The following AGRN variants were observed in gnomAD, a reference collection of about 807,000 sequenced individuals.
AGRN encodes the protein agrin proteoglycan.
In AGRN, 106 loss-of-function variants were observed where a neutral mutation model predicts 211.0. That is an observed-to-expected ratio of 0.50 (90% CI 0.43 to 0.59). AGRN has a LOEUF of 0.59. Among genes scored for constraint, AGRN ranks in the 20% least tolerant of loss-of-function variants. AGRN has a pLI of 0.00. For missense variants in AGRN, 3,040 were observed against 2,982.6 expected, an observed-to-expected ratio of 1.02 and a Z score of -0.45; for synonymous variants, 1,525 against 1,332.5, an observed-to-expected ratio of 1.14 and a Z score of -3.15.
intron 30 of AGRN, 154 bp downstream of exon 30, chr1:1,050,991 C>G: frequency 6.4e-7 from 1 of 1,550,538 alleles, no homozygotes; most frequent in Non-Finnish European, 8.7e-7. Flanking sequence ...TCCCTGCTCT[C>G]TGCTCTCGCT....
intron 3 of AGRN, among the ~76,000 whole-genome samples, 191 bp downstream of exon 3, chr1:1,035,515 C>T (rs982089307): frequency 2.0e-5 from 3 of 152,218 alleles, no homozygotes; most frequent in Admixed American, 6.5e-5. Context: ...TAGAGGCCGC[C>T]GCCTGACGGC....
chr1:1,035,309 C>A lies in AGRN; in HGVS notation c.496C>A (p.Pro166Thr), dbSNP rs1644777469. 2 of 1,613,004 alleles carry A rather than the reference C, an allele frequency of 1.2e-6. No individual in the cohort carries two copies. Among genetic ancestry groups the A allele is most frequent in the Non-Finnish European group, 1.7e-6 (2 of 1,179,996 alleles). ...CGGGACCCACTTCACTCCAGTGCCT[C>A]CGACGCCTCCTGATGGTGAGTAGGG... ...KPGTHFTPVP[P>T]TPPDACRGML... The change falls in exon 3 of 36, where the codon CCG becomes ACG. Residue 166 changes from proline to threonine, a missense_variant. By Grantham distance (38) the Pro-to-Thr change is conservative (BLOSUM62 -1). This residue lies in a region of AGRN where 1,498 missense variants were observed against 1,457.8 expected (regional missense o/e 1.03). Coordinates refer to ENST00000379370, the MANE Select transcript of AGRN (RefSeq NM_198576.4).
At chr1:1,034,054 C>T (rs532514223) in intron 2 of AGRN, 42 of 919,450 alleles carry the variant, frequency 4.6e-5, no homozygotes, top group Non-Finnish European at 5.3e-5. Context: ...CCCGGCGCGG[C>T]CTCCGCAGGC....
intron 26 of AGRN, 36 bp from the exon 27 acceptor site, chr1:1,049,867 G>GT: frequency 2.5e-6 from 4 of 1,611,380 alleles, no homozygotes; most frequent in Non-Finnish European, 3.4e-6. Context: ...GACGCCTCCT[G>GT]GGACCTCGGT....
At position 1,048,024 on chromosome 1, in the gene AGRN, C is replaced by T. The variant is rs137965991; in HGVS notation, c.3764C>T (p.Ala1255Val). 254 of 1,584,214 alleles carry T rather than the reference C, an allele frequency of 1.6e-4. No homozygotes were observed. The highest frequency in any genetic ancestry group is 8.3e-4 in the Middle Eastern group (5 of 6,028). Residue 1255 changes from alanine to valine, a missense_variant, in exon 23 of 36, where the codon GCG (alanine) becomes GTG (valine). By Grantham distance (64) the Ala-to-Val change is moderately conservative. Around this residue, in one of 3 missense-constraint regions of AGRN, gnomAD observed 1,537 missense variants for 1,505.0 expected, o/e 1.02. Coordinates refer to ENST00000379370, the MANE Select transcript of AGRN (RefSeq NM_198576.4). This position sits in a 1 kb window ranked among gnomAD's most constrained non-coding sequence, Gnocchi z 5.9. ...VRFMDFDWFP[A>V]FITGATSGAI... ...CCTGTGCCGGCAGACTGGTTTCCTGCGTTTATCACGGGGGCCACGTCAGGA... is the reference window on the plus strand; with the variant it reads ...CCTGTGCCGGCAGACTGGTTTCCTGTGTTTATCACGGGGGCCACGTCAGGA...
chr1:1,041,917 C>G (rs1644953052), intron 6 of AGRN, 39 bp from the exon 7 acceptor site: 2 of 1,606,160 alleles, frequency 1.2e-6, no homozygotes, highest in Admixed American at 3.3e-5. Context: ...ATGGAGGGTG[C>G]TCCAGCCTCT....
At position 1,032,857 on chromosome 1, in the gene AGRN, A is replaced by G. The variant is rs550082827; in HGVS notation, c.464-2420A>G. On this transcript the variant is annotated intron_variant, in intron 2 of 35. Coordinates refer to ENST00000379370, the MANE Select transcript of AGRN (RefSeq NM_198576.4). This position sits in a 1 kb window ranked among gnomAD's most constrained non-coding sequence, Gnocchi z 4.7. ...GGGGCGCTGAGGTGCGGTCGCCGAG[A>G]GATTCTGGCCTCCAGGGTGGTCGGG... 2.7e-3 allele frequency among the ~76,000 whole-genome samples: 408 copies of G among 151,884 alleles called. 3 individuals carry two copies. The highest frequency in any genetic ancestry group is 9.1e-3 in the African/African-American group (375 of 41,356).
At chr1:1,040,642 G>C in intron 3 of AGRN, 23 bp from the exon 4 acceptor site, 1 of 1,546,650 alleles carries the variant, frequency 6.5e-7, no homozygotes, top group Non-Finnish European at 8.7e-7. Flanking sequence ...GGCACCCTGA[G>C]CTTTCTCCCC....
chr1:1,027,429 G>C (rs983733839), intron 2 of AGRN, among the ~76,000 whole-genome samples: 1 of 152,156 alleles, frequency 6.6e-6, no homozygotes, highest in Non-Finnish European at 1.5e-5. Flanking sequence ...GCCTGTCCAG[G>C]GGGCCTCGGA....
intron 3 of AGRN, among the ~76,000 whole-genome samples, chr1:1,039,804 G>A (rs900729169): frequency 1.5e-4 from 23 of 152,078 alleles, no homozygotes; most frequent in African/African-American, 4.8e-4. Flanking sequence ...GAGGTGGGGG[G>A]CCGGGGGATG....
rs776015069 is a variant in AGRN, at chr1:1,049,458, C to T, written c.4514+7C>T. 7 of 1,600,270 alleles carry T rather than the reference C, an allele frequency of 4.4e-6. No individual in the cohort carries two copies. The South Asian group carries it at 6.6e-5, about 15-fold the overall frequency. On this transcript the variant is annotated splice_region_variant and intron_variant, in intron 25 of 35. Transcript: ENST00000379370. ...CCGAGGACCAGGCTGCCGTGTGAGT[C>T]CCTTGGAGGGTGGTGTGGCCCCGAC...
chr1:1,039,931 G>C (rs949371517), intron 3 of AGRN, among the ~76,000 whole-genome samples: 2 of 152,204 alleles, frequency 1.3e-5, no homozygotes, highest in Non-Finnish European at 2.9e-5. Context: ...GGAGATAGTA[G>C]AGGCGGAGGC....
chr1:1,051,414 G>T, intron 31 of AGRN, 39 bp from the exon 32 acceptor site: 1 of 1,542,528 alleles, frequency 6.5e-7, no homozygotes, highest in Non-Finnish European at 8.7e-7. Context: ...GGGGCGGGCG[G>T]GGTGGCAGGC....
intron 2 of AGRN, among the ~76,000 whole-genome samples, chr1:1,024,060 G>C (rs1644466850): frequency 6.6e-6 from 1 of 152,138 alleles, no homozygotes; most frequent in Admixed American, 6.5e-5. Flanking sequence ...CCTTGCAGGT[G>C]AGCCAGGGGC....
At position 1,053,698 on chromosome 1, in the gene AGRN, C is replaced by A. The variant is rs964302666; in HGVS notation, c.5652-55C>A. On this transcript the variant is annotated intron_variant, in intron 33 of 35. Coordinates refer to ENST00000379370, the MANE Select transcript of AGRN (RefSeq NM_198576.4). ...GGGGCCCTTGTCCTCCCGCCTCCCC[C>A]ACCCTGTCCTGTTGCCACCTTCCTA... 1.9e-6 allele frequency: 3 copies of A among 1,539,406 alleles called. No homozygotes were observed. The South Asian group carries it at 3.6e-5, about 18-fold the overall frequency.
Position 1,041,660 on chromosome 1 carries a change from C to A in AGRN, c.1135C>A (p.Leu379Ile), listed in dbSNP as rs763287132. 4 of 1,610,964 alleles carry A rather than the reference C, an allele frequency of 2.5e-6. No homozygotes were observed. In the South Asian group the frequency reaches 4.4e-5, roughly 18 times the overall value. Residue 379 changes from leucine (L) to isoleucine (I), a missense_variant, in exon 6 of 36, where the codon CTC (leucine) becomes ATC (isoleucine). Coordinates refer to ENST00000379370, the MANE Select transcript of AGRN (RefSeq NM_198576.4). ...GGGCCGATCGGGGGCCGCCCGGGGT[C>A]TCCTCCTGCAGAAAGTGCGCTCCGG... ...VMGRSGAARG[L>I]LLQKVRSGQC...
chr1:1,042,209 T>C, intron 7 of AGRN, 47 bp downstream of exon 7: 1 of 1,553,544 alleles, frequency 6.4e-7, no homozygotes, highest in Non-Finnish European at 8.7e-7. Flanking sequence ...TGCTCCTGCG[T>C]CAGTCCCTGC....
chr1:1,028,332 C>CA (rs1557686755), intron 2 of AGRN, among the ~76,000 whole-genome samples: 1 of 144,410 alleles, frequency 6.9e-6, no homozygotes, highest in Non-Finnish European at 1.5e-5. Flanking sequence ...CCCCCCCCCC[C>CA]CCCCGCCCTG....
intron 7 of AGRN, 44 bp downstream of exon 7, chr1:1,042,206 G>C (rs1270513924): frequency 6.4e-7 from 1 of 1,560,260 alleles, no homozygotes. Flanking sequence ...GGCTGCTCCT[G>C]CGTCAGTCCC....
Sources: gnomAD v4.1 joint callset for allele counts (sites outside exome capture counted in the v4.1 genomes callset) on GRCh38, gnomAD v4.1.1 for gene constraint, gnomAD v4.1.1 regional missense constraint, Gnocchi (gnomAD v3.1) non-coding constraint, MANE v1.5 for transcripts, NCBI Gene and HGNC (gene_info 2026-07-23, HGNC 2026-07-21) for gene names.